Variants in ADGRL3 observed in about 807,000 individuals in gnomAD.
The protein encoded by ADGRL3 is calcium-independent alpha-latrotoxin receptor 3.
ADGRL3 carries 62 observed loss-of-function variants against 153.5 expected under a neutral mutation model. The ratio of observed to expected loss-of-function variants is 0.40; its 90% CI spans 0.33 to 0.50. The LOEUF is 0.50. Among genes scored for constraint, ADGRL3 ranks in the 20% least tolerant of loss-of-function variants. ADGRL3 has a pLI of 0.47. For missense variants in ADGRL3, 1,641 were observed against 1,859.4 expected (o/e 0.88, Z 2.16); for synonymous variants, 710 against 672.5 (o/e 1.06, Z -0.86).
At chr4:61,979,851 T>G in intron 18 of ADGRL3, 79 bp downstream of exon 18, 1 of 1,157,532 alleles carries the variant, frequency 8.6e-7, no homozygotes, top group Admixed American at 2.0e-5. Flanking sequence ...AAAATACTTA[T>G]GTTTGAAAGT....
chr4:61,513,745 C>A (rs1248834159), intron 3 of ADGRL3, among the ~76,000 whole-genome samples: 3 of 152,072 alleles, frequency 2.0e-5, no homozygotes, highest in African/African-American at 4.8e-5. Flanking sequence ...AATAGAAAAT[C>A]TCCCCCTCAA....
chr4:61,903,383 T>A (rs935138228), intron 11 of ADGRL3, among the ~76,000 whole-genome samples: 4 of 152,154 alleles, frequency 2.6e-5, no homozygotes, highest in African/African-American at 9.7e-5. Context: ...ATTGTTGAAT[T>A]CATATGATCT....
chr4:62,003,011 T>A (rs1045228411), intron 21 of ADGRL3, among the ~76,000 whole-genome samples: 2 of 152,166 alleles, frequency 1.3e-5, no homozygotes, highest in Admixed American at 1.3e-4. Flanking sequence ...CCCACTTCTA[T>A]TATTGAAAAA....
At position 61,506,948 on chromosome 4, in the gene ADGRL3, C is replaced by A. The variant is rs75996064; in HGVS notation, c.55+9600C>A. ...GTTAAAAACGTAAAAATAAAAAAAA[C>A]CCTCTGTATTTATAAAAGAACAAAT... is the stretch of plus-strand genomic sequence containing the variant. On this transcript the variant is annotated intron_variant, in intron 3 of 26. Coordinates refer to ENST00000683033, the MANE Select transcript of ADGRL3 (RefSeq NM_001387552.1). Among the ~76,000 whole-genome samples, 1,348 of 151,904 alleles carry A rather than the reference C, an allele frequency of 8.9e-3. 30 individuals are homozygous for A. Among genetic ancestry groups the A allele is most frequent in the African/African-American group, 0.031 (1,284 of 41,444 alleles).
chr4:61,401,635 T>A (rs1331145829), intron 2 of ADGRL3, among the ~76,000 whole-genome samples: 1 of 152,000 alleles, frequency 6.6e-6, no homozygotes, highest in Non-Finnish European at 1.5e-5. Flanking sequence ...AGGAAACATA[T>A]GGTCTAGTGG....
rs1181476817 is a variant in ADGRL3 at position 61,694,176 on chromosome 4, ATTATTTTTTTTT to A, written c.583+17244_583+17255del. On this transcript the variant is annotated intron_variant, in intron 6 of 26. Coordinates refer to ENST00000683033, the MANE Select transcript of ADGRL3 (RefSeq NM_001387552.1). ...TCCTATACTATTTTAAAATTTTGTCATTATTTTTTTTTTTTTTTTTTTTTTTTTTTTTTTTTT... is the reference window on the plus strand; with the variant it reads ...TCCTATACTATTTTAAAATTTTGTCATTTTTTTTTTTTTTTTTTTTTTTTT... 5.8e-4 allele frequency among the ~76,000 whole-genome samples: 55 copies of A among 94,690 alleles called. 4 individuals are homozygous for A. The highest frequency in any genetic ancestry group is 3.2e-4 in the Admixed American group (3 of 9,338). 62.1% of individuals were successfully genotyped at this position (94,690 alleles called of 152,430 possible).
intron 6 of ADGRL3, among the ~76,000 whole-genome samples, chr4:61,708,908 C>A (rs2151432345): frequency 6.6e-6 from 1 of 152,108 alleles, no homozygotes; most frequent in African/African-American, 2.4e-5. Context: ...CTCCTGGGTT[C>A]AAGTGATTCT....
chr4:61,205,098 T>G (rs1277247141), intron 1 of ADGRL3, among the ~76,000 whole-genome samples: 1 of 152,152 alleles, frequency 6.6e-6, no homozygotes, highest in Non-Finnish European at 1.5e-5. Flanking sequence ...ATTGATTCCT[T>G]TGTGAGCTAT....
chr4:61,570,630 A>G (rs2098834826), intron 4 of ADGRL3, among the ~76,000 whole-genome samples: 1 of 152,196 alleles, frequency 6.6e-6, no homozygotes, highest in Non-Finnish European at 1.5e-5. Context: ...AATGGACAGT[A>G]TGAATTTGTG....
chr4:61,506,025 G>T (rs2098426090), intron 3 of ADGRL3, among the ~76,000 whole-genome samples: 1 of 151,986 alleles, frequency 6.6e-6, no homozygotes, highest in Non-Finnish European at 1.5e-5. Flanking sequence ...AATCTAAACT[G>T]CTTTAGAATC....
At chr4:61,900,170 T>C (rs1331858287) in intron 11 of ADGRL3, among the ~76,000 whole-genome samples, 4 of 152,222 alleles carry the variant, frequency 2.6e-5, no homozygotes, top group African/African-American at 7.2e-5. Context: ...ATTATCAGTA[T>C]GTGCTCACTG....
intron 5 of ADGRL3, among the ~76,000 whole-genome samples, chr4:61,635,132 C>T (rs1220724955): frequency 3.3e-5 from 5 of 152,066 alleles, no homozygotes; most frequent in African/African-American, 4.8e-5. Flanking sequence ...GACAGTTTAC[C>T]TCAGGAGAAG....
At chr4:61,765,741 G>A (rs1383273838) in intron 8 of ADGRL3, among the ~76,000 whole-genome samples, 1 of 152,094 alleles carries the variant, frequency 6.6e-6, no homozygotes, top group Admixed American at 6.5e-5. Context: ...AGACTAAGAG[G>A]TATTTTAGTT....
intron 15 of ADGRL3, among the ~76,000 whole-genome samples, chr4:61,937,739 C>A (rs1181950757): frequency 1.3e-5 from 2 of 152,136 alleles, no homozygotes; most frequent in East Asian, 3.9e-4. Flanking sequence ...ACTGATGTAA[C>A]CCTAGTACTT....
chr4:61,284,761 A>C (rs1009901886), intron 1 of ADGRL3, among the ~76,000 whole-genome samples: 9 of 151,794 alleles, frequency 5.9e-5, no homozygotes, highest in Non-Finnish European at 1.3e-4. Context: ...AAAATAAACA[A>C]ATGGTGAAAT....
rs1455057387 is a variant in ADGRL3 at position 61,934,980 on chromosome 4, C to T, written c.2253C>T (p.Asn751=). ...VEESAFVLAD[N]LLKTDIVREN... is the part of the protein sequence containing the mutation. ...AAAGTGCTTTTGTGCTGGCTGATAA[C>T]CTTTTGAAGACTGACATTGTCAGGG... Residue 751 remains asparagine (N), a synonymous_variant, in exon 14 of 27, where the codon AAC becomes AAT. Coordinates refer to ENST00000683033, the MANE Select transcript of ADGRL3 (RefSeq NM_001387552.1). The T allele has an allele frequency of 1.2e-6, 2 of 1,613,766 alleles. No individual in the cohort carries two copies. The highest frequency in any genetic ancestry group is 1.7e-5 in the Admixed American group (1 of 59,972).
Position 61,733,233 on chromosome 4 carries a change from C to T in ADGRL3, c.1078C>T (p.Pro360Ser). The change falls in exon 8 of 27, where the codon CCT (proline) becomes TCT (serine). Residue 360 changes from proline to serine, a missense_variant. By Grantham distance (74) the Pro-to-Ser change is moderately conservative (BLOSUM62 -1). Around this residue, in one of 5 missense-constraint regions of ADGRL3, gnomAD observed 213 missense variants for 362.1 expected, o/e 0.59. Transcript: ENST00000683033. ...TAAAATTGTCATTAGTCAATTGAAC[C>T]CTTACACCCTACGGATCGAAGGAAC... ...NGKIVISQLN[P>S]YTLRIEGTWD... The T allele has an allele frequency of 1.9e-6, 3 of 1,613,570 alleles. No individual in the cohort carries two copies. The highest frequency in any genetic ancestry group is 2.5e-6 in the Non-Finnish European group (3 of 1,179,764).
At chr4:61,898,817 A>G (rs1383148508) in intron 11 of ADGRL3, among the ~76,000 whole-genome samples, 1 of 152,026 alleles carries the variant, frequency 6.6e-6, no homozygotes, top group African/African-American at 2.4e-5. Flanking sequence ...AGGTTTCACC[A>G]TGTTGCCCAG....
At chr4:61,461,320 C>T (rs2097813861) in intron 2 of ADGRL3, among the ~76,000 whole-genome samples, 1 of 152,006 alleles carries the variant, frequency 6.6e-6, no homozygotes, top group African/African-American at 2.4e-5. Flanking sequence ...AGTGAGGTGA[C>T]TTTAATCAGC....
Sources: allele counts gnomAD v4.1 joint callset (sites outside exome capture counted in the v4.1 genomes callset), GRCh38; gene constraint gnomAD v4.1.1; regional missense constraint gnomAD v4.1.1; transcripts MANE v1.5; gene names NCBI Gene and HGNC (gene_info 2026-07-23, HGNC 2026-07-21).